Variants in ANTXR2 observed in about 807,000 individuals in gnomAD.
ANTXR2 encodes the protein anthrax toxin receptor 2.
Under a neutral mutation model 73.7 loss-of-function variants are expected in ANTXR2, and 44 were observed. The ratio of observed to expected loss-of-function variants is 0.60; its 90% CI spans 0.47 to 0.77. The LOEUF (loss-of-function observed/expected upper bound fraction) is 0.77, where lower values mean the gene tolerates loss of function less well. Among genes scored for constraint, ANTXR2 ranks in the 30% least tolerant of loss-of-function variants. The pLI, the probability that ANTXR2 is intolerant of heterozygous loss-of-function variation, is 0.00. For missense variants in ANTXR2, 604 were observed against 592.5 expected, an observed-to-expected ratio of 1.02 and a Z score of -0.20; for synonymous variants, 217 against 205.9, an observed-to-expected ratio of 1.05 and a Z score of -0.46.
chr4:79,996,974 C>T (rs904077055), intron 12 of ANTXR2, among the ~76,000 whole-genome samples: 39 of 150,034 alleles, frequency 2.6e-4, no homozygotes, highest in Middle Eastern at 3.4e-3. Flanking sequence ...ATTTTTTTTT[C>T]ATTTGTTATT....
At chr4:79,908,332 C>T (rs897319324) in intron 16 of ANTXR2, among the ~76,000 whole-genome samples, 3 of 152,110 alleles carry the variant, frequency 2.0e-5, no homozygotes, top group African/African-American at 7.2e-5. Context: ...AATAGCTGCT[C>T]TCAAAGTGTT....
chr4:80,004,420 T>C (rs1484086197), intron 12 of ANTXR2, among the ~76,000 whole-genome samples: 1 of 152,016 alleles, frequency 6.6e-6, no homozygotes, highest in Non-Finnish European at 1.5e-5. Flanking sequence ...TTTTTATACT[T>C]CTGGAAGTCT....
chr4:79,963,994 TTTTG>T (rs963993211), intron 16 of ANTXR2, among the ~76,000 whole-genome samples: 8 of 152,238 alleles, frequency 5.3e-5, no homozygotes, highest in Non-Finnish European at 1.2e-4. Context: ...ATTTTGTAAA[TTTTG>T]TTTTAGTAAA....
At chr4:80,064,856 T>C (rs1026007736) in intron 3 of ANTXR2, among the ~76,000 whole-genome samples, 3 of 152,226 alleles carry the variant, frequency 2.0e-5, no homozygotes, top group Admixed American at 6.5e-5. Flanking sequence ...ATGGGGCGTT[T>C]AGGCCTTTGG....
At chr4:79,929,510 TCAA>T (rs201601780) in intron 16 of ANTXR2, among the ~76,000 whole-genome samples, 3 of 152,138 alleles carry the variant, frequency 2.0e-5, no homozygotes, top group East Asian at 1.9e-4. Flanking sequence ...AGACTCAGTA[TCAA>T]CAACAACAAC....
In ANTXR2 at chr4:80,069,939, C is replaced by G. The variant is rs780606090; in HGVS notation, c.225-432G>C. On this transcript the variant is annotated intron_variant, in intron 2 of 16. Coordinates refer to ENST00000403729, the MANE Select transcript of ANTXR2 (RefSeq NM_058172.6). ...TAATGACCATAACTATGATATGAGT[C>G]TATAAAAAAGTCATCCTGAAGTAAG... 7.0e-4 allele frequency among the ~76,000 whole-genome samples: 106 copies of G among 152,148 alleles called. 1 individual carries two copies. Among genetic ancestry groups the G allele is most frequent in the Non-Finnish European group, 1.1e-3 (78 of 68,006 alleles).
In ANTXR2 at chr4:79,988,607, C is replaced by T. The variant is rs556233897; in HGVS notation, c.1042-3744G>A. Reference sequence around the variant, plus strand: ...ACAGATCATTGAAGCAGAAAACTAACAAAGATATTTGAGACCTAACCTCAG... The same window carrying T: ...ACAGATCATTGAAGCAGAAAACTAATAAAGATATTTGAGACCTAACCTCAG... On this transcript the variant is annotated intron_variant, in intron 12 of 16. Coordinates refer to ENST00000403729, the MANE Select transcript of ANTXR2 (RefSeq NM_058172.6). Among the ~76,000 whole-genome samples, 7 of 152,094 alleles carry T rather than the reference C, an allele frequency of 4.6e-5. No individual in the cohort carries two copies. The South Asian group carries it at 1.2e-3, about 27-fold the overall frequency.
chr4:79,953,099 C>T (rs1004986059), intron 16 of ANTXR2, among the ~76,000 whole-genome samples: 1 of 152,076 alleles, frequency 6.6e-6, no homozygotes, highest in Non-Finnish European at 1.5e-5. Flanking sequence ...TGAAGGCAGG[C>T]AGACTGAAGA....
intron 16 of ANTXR2, among the ~76,000 whole-genome samples, chr4:79,917,404 T>A (rs1727398138): frequency 6.6e-6 from 1 of 152,032 alleles, no homozygotes; most frequent in Non-Finnish European, 1.5e-5. Context: ...CTGAGAAGTA[T>A]CCCACCAAAA....
At chr4:79,923,962 A>G (rs1296078280) in intron 16 of ANTXR2, among the ~76,000 whole-genome samples, 1 of 152,140 alleles carries the variant, frequency 6.6e-6, no homozygotes, top group Non-Finnish European at 1.5e-5. Flanking sequence ...ATAAAGCACA[A>G]TTCATGAAGA....
At chr4:79,949,927 A>G (rs894704608) in intron 16 of ANTXR2, among the ~76,000 whole-genome samples, 3 of 152,184 alleles carry the variant, frequency 2.0e-5, no homozygotes, top group African/African-American at 7.2e-5. Flanking sequence ...TTATCATCCA[A>G]TATTTTAAAA....
chr4:80,060,197 A>G (rs1019490654), intron 3 of ANTXR2, among the ~76,000 whole-genome samples: 1 of 152,148 alleles, frequency 6.6e-6, no homozygotes, highest in Non-Finnish European at 1.5e-5. Context: ...CTATATATGC[A>G]CTGTGGTTCT....
chr4:80,039,684 T>C (rs1266411821), intron 7 of ANTXR2, among the ~76,000 whole-genome samples: 2 of 152,134 alleles, frequency 1.3e-5, no homozygotes, highest in East Asian at 1.9e-4. Context: ...ACACTGCTAG[T>C]GGTAATATGA....
chr4:79,916,892 GA>G lies in ANTXR2; in HGVS notation c.1429-9426del, dbSNP rs201259142. Among the ~76,000 whole-genome samples the G allele has an allele frequency of 3.9e-3, 596 of 152,104 alleles. 8 individuals are homozygous for G. Among genetic ancestry groups the G allele is most frequent in the Admixed American group, 0.037 (562 of 15,254 alleles). On this transcript the variant is annotated intron_variant, in intron 16 of 16. Coordinates refer to ENST00000403729, the MANE Select transcript of ANTXR2 (RefSeq NM_058172.6). ...CATATGCTTAATTTTTAAAGGGAAA[GA>G]AAAAAATAATTCGTTTGAAAATAAA...
At chr4:80,048,267 T>TAAAAAA (rs557989348) in intron 7 of ANTXR2, among the ~76,000 whole-genome samples, 1 of 122,784 alleles carries the variant, frequency 8.1e-6, no homozygotes. Flanking sequence ...AAGCATTAGG[T>TAAAAAA]AAAAAAAAAA....
chr4:80,047,574 G>GC (rs1282604611), intron 7 of ANTXR2, among the ~76,000 whole-genome samples: 1 of 151,376 alleles, frequency 6.6e-6, no homozygotes, highest in Non-Finnish European at 1.5e-5. Context: ...TCTCTCCCTT[G>GC]CCCCCAACAG....
intron 12 of ANTXR2, among the ~76,000 whole-genome samples, chr4:80,006,271 T>C (rs1731296791): frequency 6.6e-6 from 1 of 152,028 alleles, no homozygotes; most frequent in Non-Finnish European, 1.5e-5. Flanking sequence ...TATCATATTA[T>C]AAGCACTTTT....
chr4:80,071,458 C>T (rs1056368118), intron 2 of ANTXR2, 125 bp downstream of exon 2: 26 of 764,746 alleles, frequency 3.4e-5, no homozygotes, highest in Non-Finnish European at 1.4e-5. Context: ...GTGTGCAATA[C>T]GACCTTGAGG....
chr4:80,037,766 G>C (rs1733045963), intron 7 of ANTXR2, among the ~76,000 whole-genome samples: 1 of 152,044 alleles, frequency 6.6e-6, no homozygotes, highest in African/African-American at 2.4e-5. Flanking sequence ...GAAGGAAATA[G>C]AATAGAAAAG....
Sources: gnomAD v4.1 joint callset for allele counts (sites outside exome capture counted in the v4.1 genomes callset) on GRCh38, gnomAD v4.1.1 for gene constraint, MANE v1.5 for transcripts, NCBI Gene and HGNC (gene_info 2026-07-23, HGNC 2026-07-21) for gene names.